Variants in PARL observed in about 807,000 individuals in gnomAD.
The protein encoded by PARL is presenilin associated rhomboid like, also known as presenilin-associated rhomboid-like protein, mitochondrial.
In PARL, 44 loss-of-function variants were observed where a neutral mutation model predicts 51.6. That is an observed-to-expected ratio of 0.85 (90% CI 0.67 to 1.10). The LOEUF is 1.10. PARL is among the 50% of genes least tolerant of loss of function. PARL has a pLI of 0.00. For missense variants in PARL, 441 were observed against 469.5 expected (o/e 0.94, Z 0.56); for synonymous variants, 172 against 164.0 (o/e 1.05, Z -0.37).
intron 3 of PARL, among the ~76,000 whole-genome samples, chr3:183,864,469 T>C (rs1225136111): frequency 6.6e-6 from 1 of 151,956 alleles, no homozygotes; most frequent in African/African-American, 2.4e-5. Context: ...TCAATATGTA[T>C]TGGTGAATAA....
At chr3:183,834,041 T>C (rs1389458100) in intron 7 of PARL, among the ~76,000 whole-genome samples, 1 of 152,246 alleles carries the variant, frequency 6.6e-6, no homozygotes, top group African/African-American at 2.4e-5. Context: ...ACTGAATTTT[T>C]ACTACGGGGC....
intron 9 of PARL, among the ~76,000 whole-genome samples, chr3:183,832,759 C>T (rs1307188946): frequency 6.6e-6 from 1 of 152,082 alleles, no homozygotes; most frequent in Non-Finnish European, 1.5e-5. Context: ...TTGAAGCACA[C>T]GTGGAAGGTC....
At chr3:183,881,065 C>T (rs1734378397) in intron 1 of PARL, among the ~76,000 whole-genome samples, 1 of 151,928 alleles carries the variant, frequency 6.6e-6, no homozygotes, top group African/African-American at 2.4e-5. Context: ...ATCTTCCTGC[C>T]TCAGCCTCCC....
chr3:183,841,266 C>T (rs993429686), intron 6 of PARL, among the ~76,000 whole-genome samples: 1 of 152,158 alleles, frequency 6.6e-6, no homozygotes, highest in Admixed American at 6.5e-5. Flanking sequence ...CTGAAACAGA[C>T]CCTCTGTAAC....
At chr3:183,851,692 A>T (rs188110785) in intron 4 of PARL, among the ~76,000 whole-genome samples, 16 of 151,584 alleles carry the variant, frequency 1.1e-4, no homozygotes, top group South Asian at 4.2e-4. Context: ...CAGAATATAT[A>T]AAAAAAAACT....
At chr3:183,843,788 G>C (rs951860176) in intron 5 of PARL, among the ~76,000 whole-genome samples, 4 of 151,300 alleles carry the variant, frequency 2.6e-5, no homozygotes, top group African/African-American at 7.3e-5. Context: ...CTGAGATCAC[G>C]CCACTGCACT....
At chr3:183,844,432 G>A in intron 4 of PARL, 106 bp from the exon 5 acceptor site, 1 of 769,610 alleles carries the variant, frequency 1.3e-6, no homozygotes, top group East Asian at 2.7e-5. Flanking sequence ...TAAGAGTACT[G>A]TATACCTGGG....
chr3:183,829,902 C>T (rs1000332384), intron 9 of PARL, among the ~76,000 whole-genome samples, 193 bp from the exon 10 acceptor site: 1 of 152,192 alleles, frequency 6.6e-6, no homozygotes, highest in African/African-American at 2.4e-5. Flanking sequence ...TAGGATGGGA[C>T]GATGGCTGAA....
chr3:183,861,263 AT>A (rs1400543779), intron 4 of PARL: 1 of 977,708 alleles, frequency 1.0e-6, no homozygotes, highest in East Asian at 1.1e-4. Context: ...ACACTGAAAA[AT>A]CTCAATCCCT....
In PARL at chr3:183,884,831, A is replaced by T; in HGVS notation, c.16T>A (p.Trp6Arg). MAWRG[W>R]AQRGWGCGQA... Reference sequence around the variant, plus strand: ...CCGCAGCCCCAGCCTCTCTGCGCCCAGCCTCGCCACGCCATCTTCCCAACC... The same window carrying T: ...CCGCAGCCCCAGCCTCTCTGCGCCCTGCCTCGCCACGCCATCTTCCCAACC... The change falls in exon 1 of 10, where the codon TGG (tryptophan) becomes AGG (arginine). Residue 6 changes from tryptophan (W) to arginine (R), a missense_variant. Trp to Arg is a moderately radical substitution (Grantham distance 101). Transcript: ENST00000317096. 1 of 1,597,408 alleles carries T rather than the reference A, an allele frequency of 6.3e-7. No homozygotes were observed.
intron 4 of PARL, among the ~76,000 whole-genome samples, chr3:183,848,817 T>G (rs989202403): frequency 6.6e-6 from 1 of 152,188 alleles, no homozygotes; most frequent in African/African-American, 2.4e-5. Context: ...AATAAGAGAC[T>G]AATCAAAAAT....
chr3:183,867,178 T>C (rs1732592787), intron 2 of PARL, among the ~76,000 whole-genome samples: 1 of 152,142 alleles, frequency 6.6e-6, no homozygotes, highest in Admixed American at 6.5e-5. Flanking sequence ...CCTCCAGTGC[T>C]GGGATTACAG....
chr3:183,863,878 T>C (rs1036360801), intron 3 of PARL, among the ~76,000 whole-genome samples: 28 of 152,256 alleles, frequency 1.8e-4, no homozygotes, highest in Admixed American at 4.6e-4. Flanking sequence ...GCATAGGTTT[T>C]ATACATTCAA....
intron 4 of PARL, among the ~76,000 whole-genome samples, chr3:183,851,046 G>C (rs1304931886): frequency 1.3e-5 from 2 of 152,158 alleles, no homozygotes; most frequent in Non-Finnish European, 2.9e-5. Context: ...CAATTCACTA[G>C]GGGAAAGAAT....
At chr3:183,829,785 A>C in intron 9 of PARL, 76 bp from the exon 10 acceptor site, 1 of 1,189,424 alleles carries the variant, frequency 8.4e-7, no homozygotes, top group East Asian at 2.3e-5. Flanking sequence ...GACAGATCCC[A>C]AGTTGACATT....
At position 183,862,878 on chromosome 3, in the gene PARL, C is replaced by T. The variant is rs550037282; in HGVS notation, c.463-77G>A. The T allele has an allele frequency of 5.4e-6, 6 of 1,111,518 alleles. No individual in the cohort carries two copies. In the South Asian group the frequency reaches 7.4e-5, roughly 14 times the overall value. 68.9% of individuals were successfully genotyped at this position (1,111,518 alleles called of 1,614,324 possible). A position where few individuals can be genotyped will look rare whatever the true frequency, so the allele number is the denominator to read the frequency against. ...AAAATGAAAAACCAGAAGAAAATGC[C>T]TCGCACATAAGAGGAATTCCTCTTC... On this transcript the variant is annotated intron_variant, in intron 3 of 9. Coordinates refer to ENST00000317096, the MANE Select transcript of PARL (RefSeq NM_018622.7).
At position 183,884,877 on chromosome 3, in the gene PARL, C is replaced by T. The variant is rs1734974231; in HGVS notation, c.-31G>A. ...CAACCTCTGCCCCACCATGGCCCGA[C>T]CTTACCAACCCCAGCTGCGCAACTA... On this transcript the variant is annotated 5_prime_UTR_variant, in exon 1 of 10. Coordinates refer to ENST00000317096, the MANE Select transcript of PARL (RefSeq NM_018622.7). The T allele has an allele frequency of 1.9e-6, 3 of 1,595,658 alleles. No individual in the cohort carries two copies. Among genetic ancestry groups the T allele is most frequent in the African/African-American group, 1.3e-5 (1 of 74,808 alleles).
downstream of PARL, among the ~76,000 whole-genome samples, chr3:183,828,771 G>T (rs2108570812): frequency 6.6e-6 from 1 of 152,264 alleles, no homozygotes; most frequent in Non-Finnish European, 1.5e-5. Flanking sequence ...GCAAGACTTG[G>T]TATAACATTT....
chr3:183,826,968 C>T (rs531961512), downstream of PARL, among the ~76,000 whole-genome samples: 7 of 152,012 alleles, frequency 4.6e-5, no homozygotes, highest in East Asian at 1.9e-4. Context: ...TAGTGAGGGA[C>T]GGAAGGAAGT....
Sources: allele counts gnomAD v4.1 joint callset (sites outside exome capture counted in the v4.1 genomes callset), GRCh38; gene constraint gnomAD v4.1.1; transcripts MANE v1.5; gene names NCBI Gene and HGNC (gene_info 2026-07-23, HGNC 2026-07-21).